FAM120B: variants seen among roughly 807,000 people sequenced by gnomAD.
FAM120B encodes family with sequence similarity 120 member B.
Under a neutral mutation model 96.3 loss-of-function variants are expected in FAM120B, and 83 were observed. The observed-to-expected ratio is 0.86, with a 90% CI of 0.72 to 1.03. The LOEUF (loss-of-function observed/expected upper bound fraction) is 1.03. FAM120B is among the 50% of genes least tolerant of loss of function. The pLI is 0.00. For synonymous variants in FAM120B, 407 were observed against 402.7 expected, an observed-to-expected ratio of 1.01 and a Z score of -0.13; for missense variants, 1,027 against 1,121.2, an observed-to-expected ratio of 0.92 and a Z score of 1.20.
At chr6:170,354,439 T>G (rs1787768086) in intron 5 of FAM120B, among the ~76,000 whole-genome samples, 1 of 152,128 alleles carries the variant, frequency 6.6e-6, no homozygotes, top group Non-Finnish European at 1.5e-5. Flanking sequence ...ATTAAAGAGC[T>G]TCTGCACAAC....
chr6:170,385,935 G>A (rs1790161968), intron 6 of FAM120B, among the ~76,000 whole-genome samples: 1 of 152,226 alleles, frequency 6.6e-6, no homozygotes, highest in African/African-American at 2.4e-5. Flanking sequence ...GAGAACTATG[G>A]AAACAGTAGA....
At position 170,348,162 on chromosome 6, in the gene FAM120B, A is replaced by C; in HGVS notation, c.2029A>C (p.Ser677Arg). Residue 677 changes from serine to arginine, a missense_variant, in exon 5 of 11, where the codon AGT becomes CGT. Around this residue, in one of 3 missense-constraint regions of FAM120B, gnomAD observed 880 missense variants for 980.9 expected, o/e 0.90. Transcript: ENST00000476287. ...TTTTTCTTAACTAGGGGGAACGCCT[A>C]GTTTGAAAATATTATGGCTGAACCA... ...LQMTIPGGTP[S>R]LKILWLNQEP... 1 of 1,613,726 alleles carries C rather than the reference A, an allele frequency of 6.2e-7. No individual in the cohort carries two copies. Among genetic ancestry groups the C allele is most frequent in the Non-Finnish European group, 8.5e-7 (1 of 1,179,818 alleles).
intron 6 of FAM120B, among the ~76,000 whole-genome samples, chr6:170,365,739 G>A (rs1788748781): frequency 7.5e-6 from 1 of 133,378 alleles, no homozygotes; most frequent in Non-Finnish European, 1.6e-5. Flanking sequence ...CTGCCAGGCT[G>A]CCTGGAGCAG....
At chr6:170,367,664 C>T (rs916388685) in intron 6 of FAM120B, among the ~76,000 whole-genome samples, 1 of 152,222 alleles carries the variant, frequency 6.6e-6, no homozygotes, top group African/African-American at 2.4e-5. Context: ...CACACAGTGA[C>T]AGTAATAACC....
In FAM120B at chr6:170,370,204, G is replaced by A. The variant is rs965441112; in HGVS notation, c.2283+11886G>A. Among the ~76,000 whole-genome samples, 2 of 152,316 alleles carry A rather than the reference G, an allele frequency of 1.3e-5. No homozygotes were observed. Among genetic ancestry groups the A allele is most frequent in the African/African-American group, 4.8e-5 (2 of 41,580 alleles). On this transcript the variant is annotated intron_variant, in intron 6 of 10. Transcript: ENST00000476287. This position sits in a 1 kb window ranked among gnomAD's most constrained non-coding sequence, Gnocchi z 4.3. ...CCTCACAGACTTCCCCAGCGGGGCG[G>A]CCCCCAGGCCTTGTGTCCTCCTGCT...
At chr6:170,362,924 A>G (rs1788556701) in intron 6 of FAM120B, among the ~76,000 whole-genome samples, 2 of 151,946 alleles carry the variant, frequency 1.3e-5, no homozygotes, top group South Asian at 2.1e-4. Flanking sequence ...AGCTCAAGCA[A>G]TCCTCCTGCC....
intron 3 of FAM120B, among the ~76,000 whole-genome samples, chr6:170,326,942 G>A (rs146070789): frequency 9.5e-4 from 145 of 152,102 alleles, no homozygotes; most frequent in African/African-American, 3.1e-3. Context: ...ATAGGATCTC[G>A]CTATGTTACC....
chr6:170,395,967 G>C (rs1012687761), intron 9 of FAM120B, among the ~76,000 whole-genome samples: 1 of 152,138 alleles, frequency 6.6e-6, no homozygotes, highest in African/African-American at 2.4e-5. Context: ...GATATTTTCC[G>C]TGACTTGGAT....
intron 1 of FAM120B, among the ~76,000 whole-genome samples, chr6:170,316,471 G>T (rs1349839302): frequency 6.6e-6 from 1 of 152,200 alleles, no homozygotes; most frequent in Non-Finnish European, 1.5e-5. Context: ...GACCATTCAC[G>T]CACATCATTG....
chr6:170,396,342 C>T (rs1436344033), intron 9 of FAM120B, among the ~76,000 whole-genome samples: 3 of 152,244 alleles, frequency 2.0e-5, no homozygotes, highest in East Asian at 3.9e-4. Flanking sequence ...ATGGAGGCTG[C>T]GGGGCCGCAC....
chr6:170,300,897 C>T (rs925811828), intron 1 of FAM120B, among the ~76,000 whole-genome samples: 1 of 152,328 alleles, frequency 6.6e-6, no homozygotes, highest in Non-Finnish European at 1.5e-5. Context: ...AGGGTAAACC[C>T]CCCCCTCCTG....
chr6:170,349,749 C>T (rs9348313), intron 5 of FAM120B, among the ~76,000 whole-genome samples: 16,072 of 152,178 alleles, frequency 0.11, 1,081 homozygotes, highest in East Asian at 0.2. Flanking sequence ...AGCTGCGGTC[C>T]GTGGCACTCA....
intron 6 of FAM120B, among the ~76,000 whole-genome samples, chr6:170,378,939 G>T (rs1019868769): frequency 3.9e-5 from 6 of 152,250 alleles, no homozygotes. Flanking sequence ...TGCCAAGGGT[G>T]GGGGTGTGCC....
intron 3 of FAM120B, among the ~76,000 whole-genome samples, chr6:170,326,886 G>A (rs1158295858): frequency 6.6e-6 from 1 of 152,094 alleles, no homozygotes. Context: ...TGACAGGCAT[G>A]CGCCACCACA....
upstream of FAM120B, among the ~76,000 whole-genome samples, chr6:170,292,429 C>A (rs1247626962): frequency 6.6e-6 from 1 of 152,140 alleles, no homozygotes; most frequent in Non-Finnish European, 1.5e-5. The surrounding 1 kb of genome is among the most constrained non-coding windows in gnomAD (Gnocchi z 6.6). Flanking sequence ...ACCCCCAACA[C>A]CTCCGTAGCT....
rs186903308 is a variant in FAM120B at position 170,368,549 on chromosome 6, T to C, written c.2283+10231T>C. 3.6e-3 allele frequency among the ~76,000 whole-genome samples: 546 copies of C among 152,254 alleles called. 2 individuals carry two copies. The highest frequency in any genetic ancestry group is 5.8e-3 in the Non-Finnish European group (397 of 68,016). On this transcript the variant is annotated intron_variant, in intron 6 of 10. Transcript: ENST00000476287. ...TGAAAATACAGGATTGTGTAATATG[T>C]TTTCAAGGAGATATTTACAAAAATG... is the stretch of plus-strand genomic sequence containing the variant.
At chr6:170,360,929 G>C (rs766378111) in intron 6 of FAM120B, among the ~76,000 whole-genome samples, 3 of 151,944 alleles carry the variant, frequency 2.0e-5, no homozygotes, top group Non-Finnish European at 4.4e-5. Flanking sequence ...GTTGGGTCCA[G>C]GTGCAGCCTC....
intron 8 of FAM120B, among the ~76,000 whole-genome samples, chr6:170,393,716 C>T (rs112366257): frequency 2.6e-5 from 4 of 152,332 alleles, no homozygotes; most frequent in African/African-American, 9.6e-5. Flanking sequence ...CATGGCTCAC[C>T]CAAAACCAAG....
chr6:170,361,198 G>GTATATATATATA (rs71010657), intron 6 of FAM120B, among the ~76,000 whole-genome samples: 113 of 65,946 alleles, frequency 1.7e-3, no homozygotes, highest in East Asian at 2.3e-3. Context: ...ATATATACGT[G>GTATATATATATA]TATATATATA....
Sources: allele counts gnomAD v4.1 joint callset (sites outside exome capture counted in the v4.1 genomes callset), GRCh38; gene constraint gnomAD v4.1.1; regional missense constraint gnomAD v4.1.1; non-coding constraint Gnocchi (gnomAD v3.1); transcripts MANE v1.5; gene names NCBI Gene and HGNC (gene_info 2026-07-23, HGNC 2026-07-21).